Variants in NCOA2 observed in about 807,000 individuals in gnomAD.
NCOA2 encodes the protein nuclear receptor coactivator 2.
NCOA2 carries 21 observed loss-of-function variants against 145.1 expected under a neutral mutation model. That is an observed-to-expected ratio of 0.14 (90% CI 0.10 to 0.21). The LOEUF is 0.21. NCOA2 is among the 10% of genes least tolerant of loss of function. The pLI is 1.00. For missense variants in NCOA2, 1,472 were observed against 1,837.6 expected (o/e 0.80, Z 3.64); for synonymous variants, 619 against 637.5 (o/e 0.97, Z 0.44).
chr8:70,302,409 T>C (rs1827579516), intron 1 of NCOA2, among the ~76,000 whole-genome samples: 2 of 152,184 alleles, frequency 1.3e-5, no homozygotes, highest in Admixed American at 6.5e-5. Context: ...GCTCATGATT[T>C]CTTTCTCTGT....
chr8:70,240,580 T>C (rs866384911), intron 2 of NCOA2, among the ~76,000 whole-genome samples: 15 of 152,104 alleles, frequency 9.9e-5, no homozygotes, highest in African/African-American at 3.1e-4. Context: ...CTATAGAGGG[T>C]TCCGAAGTGC....
Position 70,319,130 on chromosome 8 carries a change from G to A in NCOA2, c.-76-22330C>T, listed in dbSNP as rs972878148. 7.9e-5 allele frequency among the ~76,000 whole-genome samples: 12 copies of A among 152,260 alleles called. No individual in the cohort carries two copies. The East Asian group carries it at 1.5e-3, about 20-fold the overall frequency. On this transcript the variant is annotated intron_variant, in intron 1 of 22. Transcript: ENST00000452400. ...TAACAACTGACTAGAGCAATGAAAC[G>A]GGAAAGACGGATAATCTGAAACAGG...
intron 2 of NCOA2, among the ~76,000 whole-genome samples, chr8:70,243,743 C>CTG (rs1456183576): frequency 7.2e-6 from 1 of 139,720 alleles, no homozygotes; most frequent in African/African-American, 2.8e-5. Context: ...TCACAGACTA[C>CTG]TTACAAGAAC....
intron 5 of NCOA2, among the ~76,000 whole-genome samples, chr8:70,172,558 C>A (rs1310315836): frequency 6.6e-6 from 1 of 152,158 alleles, no homozygotes; most frequent in Non-Finnish European, 1.5e-5. Flanking sequence ...GTATGAACCA[C>A]ATGCAGGACA....
intron 1 of NCOA2, among the ~76,000 whole-genome samples, chr8:70,304,045 T>C (rs186718163): frequency 1.3e-5 from 2 of 152,274 alleles, no homozygotes; most frequent in Admixed American, 1.3e-4. Flanking sequence ...CTAATTACTG[T>C]TGCAACGACC....
intron 2 of NCOA2, among the ~76,000 whole-genome samples, chr8:70,218,297 A>G (rs548391776): frequency 1.1e-4 from 17 of 151,738 alleles, no homozygotes; most frequent in African/African-American, 3.4e-4. Flanking sequence ...ATTTGATTCA[A>G]GAGGTGACAC....
At chr8:70,417,245 TAAAAAAAA>T in the NCOA2 span, among the ~76,000 whole-genome samples, 2 of 78,044 alleles carry the variant, frequency 2.6e-5, no homozygotes, top group African/African-American at 1.8e-4. Flanking sequence ...TCGTCTCTAT[TAAAAAAAA>T]AAAAAAAAAA....
At chr8:70,331,856 T>C (rs552492850) in intron 1 of NCOA2, among the ~76,000 whole-genome samples, 35 of 152,302 alleles carry the variant, frequency 2.3e-4, no homozygotes, top group Middle Eastern at 3.4e-3. Flanking sequence ...AAATGCAGTT[T>C]TTCACATACA....
chr8:70,179,508 CAG>C (rs1409165443), intron 4 of NCOA2, among the ~76,000 whole-genome samples: 2 of 152,156 alleles, frequency 1.3e-5, no homozygotes, highest in Admixed American at 1.3e-4. Flanking sequence ...GGTATCTTGA[CAG>C]AGCATTTCAG....
At chr8:70,294,511 A>AT (rs1826935990) in intron 2 of NCOA2, among the ~76,000 whole-genome samples, 1 of 152,210 alleles carries the variant, frequency 6.6e-6, no homozygotes, top group Admixed American at 6.5e-5. Flanking sequence ...AGTTTAGGTA[A>AT]TCATTACATT....
At chr8:70,284,202 C>A (rs1363516145) in intron 2 of NCOA2, among the ~76,000 whole-genome samples, 2 of 152,290 alleles carry the variant, frequency 1.3e-5, no homozygotes, top group East Asian at 1.9e-4. Context: ...TTTTTAGATT[C>A]TCATCCTCAG....
chr8:70,353,524 A>G (rs1809428279), intron 1 of NCOA2, among the ~76,000 whole-genome samples: 1 of 149,920 alleles, frequency 6.7e-6, no homozygotes, highest in Non-Finnish European at 1.5e-5. Flanking sequence ...AATCAAAATG[A>G]TCATATAAAC....
At chr8:70,409,871 C>A in the NCOA2 span, among the ~76,000 whole-genome samples, 1 of 151,550 alleles carries the variant, frequency 6.6e-6, no homozygotes, top group African/African-American at 2.4e-5. Context: ...GAGAGCAAGA[C>A]CCTGTGTGAA....
At chr8:70,232,202 C>T (rs1304605972) in intron 2 of NCOA2, among the ~76,000 whole-genome samples, 10 of 152,170 alleles carry the variant, frequency 6.6e-5, no homozygotes, top group African/African-American at 1.4e-4. Context: ...TGCCCCTTTC[C>T]GTCATTCTCA....
chr8:70,393,161 C>T (rs968068948), intron 1 of NCOA2, among the ~76,000 whole-genome samples: 1 of 152,178 alleles, frequency 6.6e-6, no homozygotes, highest in Non-Finnish European at 1.5e-5. Flanking sequence ...GGACTACCTA[C>T]TCTTTATCTG....
chr8:70,226,040 T>G (rs946848085), intron 2 of NCOA2, among the ~76,000 whole-genome samples: 2 of 152,020 alleles, frequency 1.3e-5, no homozygotes, highest in African/African-American at 2.4e-5. Flanking sequence ...AGACTATAAA[T>G]GTTTATAAAA....
chr8:70,374,075 T>C (rs1458125743), intron 1 of NCOA2, among the ~76,000 whole-genome samples: 3 of 152,158 alleles, frequency 2.0e-5, no homozygotes, highest in Non-Finnish European at 4.4e-5. Context: ...AAAAAAGTAG[T>C]ATGGAAAACA....
In NCOA2 at chr8:70,132,747, G is replaced by C. The variant is rs138090213; in HGVS notation, c.3159-745C>G. Among the ~76,000 whole-genome samples, 681 of 152,136 alleles carry C rather than the reference G, an allele frequency of 4.5e-3. 4 individuals carry two copies. Among genetic ancestry groups the C allele is most frequent in the Non-Finnish European group, 6.8e-3 (465 of 67,974 alleles). ...CCTGGCTAATTTTTTGTATTTTTTT[G>C]TAGAGATGGCGTTTCGCCATGTTAC... On this transcript the variant is annotated intron_variant, in intron 15 of 22. Coordinates refer to ENST00000452400, the MANE Select transcript of NCOA2 (RefSeq NM_006540.4).
At chr8:70,390,529 G>A (rs1384644859) in intron 1 of NCOA2, among the ~76,000 whole-genome samples, 2 of 152,014 alleles carry the variant, frequency 1.3e-5, no homozygotes, top group African/African-American at 4.8e-5. Flanking sequence ...CATTTTGGGA[G>A]GCCAAGGCAC....
Sources: gnomAD v4.1 joint callset for allele counts (sites outside exome capture counted in the v4.1 genomes callset) on GRCh38, gnomAD v4.1.1 for gene constraint, MANE v1.5 for transcripts, NCBI Gene and HGNC (gene_info 2026-07-23, HGNC 2026-07-21) for gene names.